The following PTGR1 variants were observed in gnomAD, a reference collection of about 807,000 sequenced individuals.
PTGR1 encodes prostaglandin reductase 1.
In PTGR1, 23 loss-of-function variants were observed where a neutral mutation model predicts 37.7. That is an observed-to-expected ratio of 0.61 (90% CI 0.44 to 0.86). The LOEUF is 0.86. Ranked by LOEUF, PTGR1 falls within the 40% of genes least tolerant of loss-of-function variation. PTGR1 has a pLI of 0.00. For missense variants in PTGR1, 351 were observed against 394.3 expected (o/e 0.89, Z 0.93); for synonymous variants, 134 against 140.0 (o/e 0.96, Z 0.30).
downstream of PTGR1, among the ~76,000 whole-genome samples, chr9:111,561,150 A>AGG (rs1267634039): frequency 2.1e-4 from 5 of 24,000 alleles, no homozygotes; most frequent in Admixed American, 5.6e-4. Context: ...AGAGAGAGGG[A>AGG]GAGAGAGAGA....
At position 111,594,544 on chromosome 9, in the gene PTGR1, G is replaced by A. The variant is rs548077566; in HGVS notation, c.107-277C>T. On this transcript the variant is annotated intron_variant, in intron 2 of 9. Coordinates refer to ENST00000407693, the MANE Select transcript of PTGR1 (RefSeq NM_001146108.2). ...TCAAGGCCTGATGCCTTCGTTTTTG[G>A]CATTCTTTTTTTTTTTTTTTTTTTG... Among the ~76,000 whole-genome samples, 1,010 of 136,070 alleles carry A rather than the reference G, an allele frequency of 7.4e-3. 9 individuals are homozygous for A. The highest frequency in any genetic ancestry group is 0.016 in the South Asian group (68 of 4,312). The allele number at this position is 136,070 out of a possible 152,430, so 89.3% of individuals were successfully genotyped here.
chr9:111,595,564 A>C (rs115921729), intron 2 of PTGR1, among the ~76,000 whole-genome samples: 1 of 152,316 alleles, frequency 6.6e-6, no homozygotes, highest in African/African-American at 2.4e-5. Flanking sequence ...TCACTTTGTC[A>C]TGCTACTTGA....
intron 9 of PTGR1, among the ~76,000 whole-genome samples, chr9:111,554,323 TC>T (rs751036106): frequency 1.3e-5 from 2 of 152,194 alleles, no homozygotes; most frequent in African/African-American, 2.4e-5. Context: ...CTTCTACTCT[TC>T]CGTTGCCCAG....
In PTGR1 at chr9:111,578,890, C is replaced by A. The variant is rs1377203317; in HGVS notation, c.557G>T (p.Gly186Val). The change falls in exon 7 of 10, where the codon GGA becomes GTA. Residue 186 changes from glycine to valine, a missense_variant. Transcript: ENST00000407693. ...CTTGTAGTTAAAGACGACATCAAAT[C>A]CAAGCTTTTGAAGGTAGGCAACCTT... ...DEKVAYLQKL[G>V]FDVVFNYKTV... is the part of the protein sequence containing the mutation. The A allele has an allele frequency of 4.3e-6, 7 of 1,613,080 alleles. No individual in the cohort carries two copies. The highest frequency in any genetic ancestry group is 5.9e-6 in the Non-Finnish European group (7 of 1,179,672).
rs1452172008 is a variant in PTGR1 at position 111,594,874 on chromosome 9, A to C, written c.107-607T>G. On this transcript the variant is annotated intron_variant, in intron 2 of 9. Coordinates refer to ENST00000407693, the MANE Select transcript of PTGR1 (RefSeq NM_001146108.2). ...CTCTTTTTTTTTTTTTTTTTTTTTG[A>C]GACCTAGTCTTGTTCTGTTGCCCAG... is the stretch of plus-strand genomic sequence containing the variant. Among the ~76,000 whole-genome samples the C allele has an allele frequency of 5.8e-5, 3 of 51,506 alleles. No individual in the cohort carries two copies. In the East Asian group the frequency reaches 2.9e-3, roughly 50 times the overall value. 33.8% of individuals were successfully genotyped at this position (51,506 alleles called of 152,430 possible). A position where few individuals can be genotyped will look rare whatever the true frequency, so the allele number is the denominator to read the frequency against.
At chr9:111,591,374 T>C (rs1001801164) in intron 4 of PTGR1, among the ~76,000 whole-genome samples, 8 of 144,334 alleles carry the variant, frequency 5.5e-5, no homozygotes, top group South Asian at 2.2e-4. Flanking sequence ...CTTTTTCTTT[T>C]TTTTTTTTTT....
At chr9:111,593,065 G>A in intron 3 of PTGR1, 83 bp from the exon 4 acceptor site, 5 of 1,489,256 alleles carry the variant, frequency 3.4e-6, no homozygotes, top group East Asian at 5.0e-5. Context: ...AGCATCGGGG[G>A]ACTGTTTTGA....
chr9:111,552,229 C>A (rs562861398), intron 9 of PTGR1, among the ~76,000 whole-genome samples: 5 of 152,078 alleles, frequency 3.3e-5, no homozygotes, highest in East Asian at 1.9e-4. Context: ...TTATAAAATT[C>A]TTTTGTAAGT....
chr9:111,580,442 T>C (rs548041018), intron 6 of PTGR1, among the ~76,000 whole-genome samples: 63 of 152,308 alleles, frequency 4.1e-4, no homozygotes, highest in Middle Eastern at 3.4e-3. Flanking sequence ...TCTTCCTCTT[T>C]TTTAACCAAA....
chr9:111,576,315 A>C (rs1829052674), intron 7 of PTGR1: 1 of 1,604,772 alleles, frequency 6.2e-7, no homozygotes, highest in African/African-American at 1.3e-5. Context: ...CTAAAATTTT[A>C]TTTGTAACCT....
chr9:111,552,286 CTTTT>C (rs150587835), intron 9 of PTGR1, among the ~76,000 whole-genome samples: 1 of 151,032 alleles, frequency 6.6e-6, no homozygotes, highest in African/African-American at 2.4e-5. Flanking sequence ...GATACATTGT[CTTTT>C]TTTTTCAGAA....
At chr9:111,562,422 T>C (rs187014033), downstream of PTGR1, among the ~76,000 whole-genome samples, 1,875 of 151,998 alleles carry the variant, frequency 0.012, 26 homozygotes, top group Middle Eastern at 0.034. Context: ...ATTACAGGCA[T>C]GTGCCACCAC....
chr9:111,552,398 A>C (rs1435331630), intron 9 of PTGR1, among the ~76,000 whole-genome samples: 1 of 152,220 alleles, frequency 6.6e-6, no homozygotes, highest in Non-Finnish European at 1.5e-5. Context: ...CTGCTTCAGA[A>C]AATTGAACAC....
intron 1 of PTGR1, among the ~76,000 whole-genome samples, chr9:111,598,907 G>C (rs1829859835): frequency 6.6e-6 from 1 of 151,990 alleles, no homozygotes; most frequent in Non-Finnish European, 1.5e-5. Flanking sequence ...TACTCCTCTC[G>C]TCTCTGAACT....
At chr9:111,576,675 A>G (rs764556599) in intron 7 of PTGR1, 24 of 389,814 alleles carry the variant, frequency 6.2e-5, no homozygotes, top group Admixed American at 1.7e-4. Flanking sequence ...GATATGTGCA[A>G]ACATGTACAT....
intron 9 of PTGR1, among the ~76,000 whole-genome samples, chr9:111,567,604 G>A (rs1828621172): frequency 6.6e-6 from 1 of 152,214 alleles, no homozygotes; most frequent in South Asian, 2.1e-4. Context: ...TGAAATCAGA[G>A]AGATATCAGG....
chr9:111,575,060 G>T (rs1385945079), intron 7 of PTGR1, among the ~76,000 whole-genome samples: 1 of 152,172 alleles, frequency 6.6e-6, no homozygotes, highest in Non-Finnish European at 1.5e-5. Flanking sequence ...CAACACTTTG[G>T]AAGGTTGAGG....
In PTGR1 at chr9:111,562,768, G is replaced by GC; in HGVS notation, c.*352dup. On this transcript the variant is annotated 3_prime_UTR_variant, in exon 10 of 10. Coordinates refer to ENST00000407693, the MANE Select transcript of PTGR1 (RefSeq NM_001146108.2). ...CCCTCCCTCACCCCGGCTTCCACAG[G>GC]CCCCAGCGTGTGTTGTTCCCCTCCC... 1 of 220,064 alleles carries GC rather than the reference G, an allele frequency of 4.5e-6. No individual in the cohort carries two copies. The highest frequency in any genetic ancestry group is 5.5e-5 in the Admixed American group (1 of 18,134). 13.6% of individuals were successfully genotyped at this position (220,064 alleles called of 1,614,324 possible).
chr9:111,594,306 A>G, intron 2 of PTGR1, 39 bp from the exon 3 acceptor site: 1 of 1,567,560 alleles, frequency 6.4e-7, no homozygotes, highest in South Asian at 1.1e-5. Flanking sequence ...TAGAAACTCA[A>G]GGCCTGAGAG....
Sources: gnomAD v4.1 joint callset for allele counts (sites outside exome capture counted in the v4.1 genomes callset) on GRCh38, gnomAD v4.1.1 for gene constraint, MANE v1.5 for transcripts, NCBI Gene and HGNC (gene_info 2026-07-23, HGNC 2026-07-21) for gene names.